Variants in ADGRD2 observed in about 807,000 individuals in gnomAD.
The protein encoded by ADGRD2 is G protein-coupled receptor PGR24.
Under a neutral mutation model 44.4 loss-of-function variants are expected in ADGRD2, and 71 were observed. The ratio of observed to expected loss-of-function variants is 1.60; its 90% CI spans 1.32 to 1.95. The LOEUF (loss-of-function observed/expected upper bound fraction) is 1.95, where lower values mean the gene tolerates loss of function less well. Among genes scored for constraint, ADGRD2 ranks in the 30% most tolerant of loss-of-function variants. The pLI is 0.00. For missense variants in ADGRD2, 1,039 were observed against 512.4 expected (o/e 2.03, Z -9.92); for synonymous variants, 481 against 224.8 (o/e 2.14, Z -10.19).
In ADGRD2 at chr9:124,454,920, G is replaced by T. The variant is rs1387034658; in HGVS notation, c.1188G>T (p.Glu396Asp). Residue 396 changes from glutamate (E) to aspartate (D), a missense_variant, in exon 6 of 22, where the codon GAG (glutamate) becomes GAT (aspartate). Coordinates refer to ENST00000334810, the Ensembl canonical transcript of ADGRD2. The surrounding 1 kb of genome is among the most constrained non-coding windows in gnomAD (Gnocchi z 4.5). ...CCTCCAGCTTCCTGGGCCTTCTGGAGCATGTCCTGGCGATGGAGATGGCTC... is the reference window on the plus strand; with the variant it reads ...CCTCCAGCTTCCTGGGCCTTCTGGATCATGTCCTGGCGATGGAGATGGCTC... 7 of 716,282 alleles carry T rather than the reference G, an allele frequency of 9.8e-6. No homozygotes were observed. The highest frequency in any genetic ancestry group is 2.6e-6 in the Non-Finnish European group (1 of 385,098). The allele number at this position is 716,282 out of a possible 1,614,324, so 44.4% of individuals were successfully genotyped here. A position where few individuals can be genotyped will look rare whatever the true frequency, so the allele number is the denominator to read the frequency against.
At chr9:124,452,316 T>C (rs1831494191) in intron 1 of ADGRD2, 162 bp downstream of exon 4, 1 of 636,942 alleles carries the variant, frequency 1.6e-6, no homozygotes, top group Admixed American at 2.4e-5. Context: ...CTGGTTTCCG[T>C]CTCATTCCTG....
At chr9:124,477,777 G>GC (rs1216794795) in intron 21 of ADGRD2, among the ~76,000 whole-genome samples, 3 of 151,374 alleles carry the variant, frequency 2.0e-5, no homozygotes, top group Non-Finnish European at 2.9e-5. Context: ...CCGCCCAGGC[G>GC]CCCCCCGGGG....
intron 17 of ADGRD2, among the ~76,000 whole-genome samples, chr9:124,472,161 A>T (rs1831955756): frequency 6.6e-6 from 1 of 152,132 alleles, no homozygotes; most frequent in African/African-American, 2.4e-5. Flanking sequence ...CCATGGGGCA[A>T]TGCCACCGTC....
intron 13 of ADGRD2, 150 bp from the exon 17 acceptor site, chr9:124,468,369 A>C (rs12000655): frequency 0.029 from 19,638 of 677,352 alleles, 459 homozygotes; most frequent in African/African-American, 0.091. Flanking sequence ...AAAGGCCCCG[A>C]ATGGTGGAGC....
Position 124,477,748 on chromosome 9 carries a change from GGAGGCGCCCCCC to G in ADGRD2, c.*19-532_*19-521del, listed in dbSNP as rs1311382379. On this transcript the variant is annotated intron_variant, in intron 21 of 21. Coordinates refer to ENST00000334810, the Ensembl canonical transcript of ADGRD2. ...AGCTTCCCTTTCTGCAGAATGGGCTGGAGGCGCCCCCCACAGGCCCGCCCAGGCGCCCCCCGG... is the reference window on the plus strand; with the variant it reads ...AGCTTCCCTTTCTGCAGAATGGGCTGACAGGCCCGCCCAGGCGCCCCCCGG... Among the ~76,000 whole-genome samples, 8 of 152,272 alleles carry G rather than the reference GGAGGCGCCCCCC, an allele frequency of 5.3e-5. No individual in the cohort carries two copies. In the East Asian group the frequency reaches 1.5e-3, roughly 29 times the overall value.
At chr9:124,469,224 G>A (rs116872152) in exon 15 of ADGRD2, 9,158 of 713,608 alleles carry the variant, frequency 0.013, 411 homozygotes, top group East Asian at 0.091. Flanking sequence ...TCTCCCAGGC[G>A]TGCCTGTGGG....
At position 124,454,781 on chromosome 9, in the gene ADGRD2, G is replaced by A. The variant is rs1831581580; in HGVS notation, c.1109-62G>A. 4.8e-6 allele frequency: 3 copies of A among 624,010 alleles called. No homozygotes were observed. The highest frequency in any genetic ancestry group is 5.0e-4 in the Middle Eastern group (2 of 3,988). 38.7% of individuals were successfully genotyped at this position (624,010 alleles called of 1,614,324 possible). A position where few individuals can be genotyped will look rare whatever the true frequency, so the allele number is the denominator to read the frequency against. ...GAAGACCCTGGCAAAGCCCAAGTGT[G>A]GCCCTTGGGGGGATCCCCTCATAAC... On this transcript the variant is annotated intron_variant, in intron 5 of 21. Transcript: ENST00000334810. The surrounding 1 kb of genome is among the most constrained non-coding windows in gnomAD (Gnocchi z 4.5).
chr9:124,464,734 C>T (rs1831782067), intron 10 of ADGRD2, among the ~76,000 whole-genome samples: 2 of 150,872 alleles, frequency 1.3e-5, no homozygotes, highest in African/African-American at 4.9e-5. Context: ...CTAACACATT[C>T]ATCATAACAC....
chr9:124,458,183 G>T (rs548060345), exon 9 of ADGRD2: 1 of 718,374 alleles, frequency 1.4e-6, no homozygotes, highest in Non-Finnish European at 2.6e-6. Flanking sequence ...TAGAGGGACC[G>T]GACCTAGAGC....
At chr9:124,466,448 G>A (rs953673887) in intron 11 of ADGRD2, 35 bp downstream of exon 14, 8 of 644,188 alleles carry the variant, frequency 1.2e-5, no homozygotes, top group Non-Finnish European at 2.3e-5. Context: ...GTCAGGAGGG[G>A]GCTTCTTAGC....
chr9:124,470,448 T>C, intron 16 of ADGRD2, 46 bp from the exon 20 acceptor site: 1 of 691,502 alleles, frequency 1.4e-6, no homozygotes. Context: ...TGCGGGGAGC[T>C]CCCCAGGCCT....
At position 124,452,709 on chromosome 9, in the gene ADGRD2, AC is replaced by A; in HGVS notation, c.273del (p.Pro92HisfsTer34). 1.4e-6 allele frequency: 1 copy of A among 713,514 alleles called. No homozygotes were observed. The allele number at this position is 713,514 out of a possible 1,614,324, so 44.2% of individuals were successfully genotyped here. A position where few individuals can be genotyped will look rare whatever the true frequency, so the allele number is the denominator to read the frequency against. On this transcript the variant is annotated frameshift_variant, in exon 2 of 22. Transcript: ENST00000334810. LOFTEE classifies it high-confidence loss of function. ...GCCAAAGAGAGGCCCCTCTGCGGAG[AC>A]CCCCACAGAGGCGTGAGTGTGGGCC... is the stretch of plus-strand genomic sequence containing the variant.
chr9:124,458,091 GGTGCCCCTTCC>G lies in ADGRD2; in HGVS notation c.1641-21_1641-11del. On this transcript the variant is annotated splice_polypyrimidine_tract_variant and intron_variant, in intron 8 of 21. Transcript: ENST00000334810. ...TTGCCCAGCCACCGGGTGGTGCCTT[GGTGCCCCTTCC>G]TCTCAGCCAGGCCTCTCTGGAGTCA... 1 of 718,248 alleles carries G rather than the reference GGTGCCCCTTCC, an allele frequency of 1.4e-6. No homozygotes were observed. The highest frequency in any genetic ancestry group is 2.7e-5 in the East Asian group (1 of 37,294). 44.5% of individuals were successfully genotyped at this position (718,248 alleles called of 1,614,324 possible). A position where few individuals can be genotyped will look rare whatever the true frequency, so the allele number is the denominator to read the frequency against.
At chr9:124,454,000 G>T in exon 4 of ADGRD2, 1 of 687,620 alleles carries the variant, frequency 1.5e-6, no homozygotes, top group South Asian at 1.6e-5. Flanking sequence ...CCCTGCCAGT[G>T]CCCTCCGAGG....
At chr9:124,460,151 TG>T (rs1329712272) in intron 10 of ADGRD2, among the ~76,000 whole-genome samples, 9 of 151,250 alleles carry the variant, frequency 6.0e-5, no homozygotes, top group African/African-American at 2.2e-4. Flanking sequence ...ATCGTCAGAA[TG>T]GGGCTGCGGG....
At chr9:124,459,258 G>A (rs139687509) in intron 10 of ADGRD2, among the ~76,000 whole-genome samples, 315 of 152,340 alleles carry the variant, frequency 2.1e-3, no homozygotes, top group Non-Finnish European at 3.3e-3. Flanking sequence ...TTGGGAGGCC[G>A]AGGCGGGCGG....
At chr9:124,466,488 C>T in intron 11 of ADGRD2, 75 bp downstream of exon 14, 1 of 594,326 alleles carries the variant, frequency 1.7e-6, no homozygotes, top group Non-Finnish European at 3.1e-6. Context: ...CAATAGGTAG[C>T]CAGAAGAAGC....
upstream of ADGRD2, chr9:124,451,675 G>A (rs149514892): frequency 6.7e-3 from 1,737 of 258,604 alleles, 8 homozygotes; most frequent in Admixed American, 0.01. Flanking sequence ...GGATGGCACC[G>A]TGGTGCTACT....
rs193166069 is a variant in ADGRD2, at chr9:124,468,543, G to A, written c.2260G>A (p.Ala754Thr). 1.2e-3 allele frequency: 878 copies of A among 718,574 alleles called. 2 individuals are homozygous for A. The highest frequency in any genetic ancestry group is 5.7e-3 in the Middle Eastern group (25 of 4,372). 44.5% of individuals were successfully genotyped at this position (718,574 alleles called of 1,614,324 possible). Residue 754 changes from alanine to threonine, a missense_variant, in exon 14 of 22, where the codon GCA becomes ACA. Transcript: ENST00000334810. ...GGTGGCATGTGTGGCTGTCACAGTC[G>A]CAATGCACTTCCTCTTTCTGGTGGC...
Sources: gnomAD v4.1 joint callset for allele counts (sites outside exome capture counted in the v4.1 genomes callset) on GRCh38, gnomAD v4.1.1 for gene constraint, Gnocchi (gnomAD v3.1) non-coding constraint, MANE v1.5 for transcripts, NCBI Gene and HGNC (gene_info 2026-07-23, HGNC 2026-07-21) for gene names.